PAICS: variants seen among roughly 807,000 people sequenced by gnomAD.
PAICS encodes phosphoribosylaminoimidazole carboxylase and phosphoribosylaminoimidazolesuccinocarboxamide synthase.
Under a neutral mutation model 53.7 loss-of-function variants are expected in PAICS, and 33 were observed. That is an observed-to-expected ratio of 0.61 (90% CI 0.47 to 0.82). The LOEUF (loss-of-function observed/expected upper bound fraction) is 0.82, where lower values mean the gene tolerates loss of function less well. Among genes scored for constraint, PAICS ranks in the 40% least tolerant of loss-of-function variants. The pLI is 0.00. For synonymous variants in PAICS, 141 were observed against 167.2 expected (o/e 0.84, Z 1.21); for missense variants, 394 against 494.1 (o/e 0.80, Z 1.92).
At chr4:56,446,653 A>G in intron 2 of PAICS, 42 bp from the exon 3 acceptor site, 1 of 1,261,456 alleles carries the variant, frequency 7.9e-7, no homozygotes, top group Middle Eastern at 1.9e-4. Context: ...CTTTTTACAT[A>G]TCATTTCAAT....
upstream of PAICS, chr4:56,435,335 C>G (rs767037962): frequency 2.5e-6 from 4 of 1,613,564 alleles, no homozygotes; most frequent in Admixed American, 1.7e-5. Context: ...CCGCCACCCC[C>G]ACCCTGTTGC....
intron 5 of PAICS, among the ~76,000 whole-genome samples, chr4:56,449,401 G>A (rs576432979): frequency 1.1e-4 from 16 of 152,250 alleles, no homozygotes; most frequent in Admixed American, 8.5e-4. Flanking sequence ...AAATAGGAAC[G>A]CTTTTACACT....
chr4:56,449,212 A>T (rs996171910), intron 5 of PAICS, among the ~76,000 whole-genome samples: 1 of 152,192 alleles, frequency 6.6e-6, no homozygotes, highest in Admixed American at 6.5e-5. Flanking sequence ...TCCTATATAA[A>T]ACAACAGACA....
Position 56,459,465 on chromosome 4 carries a change from T to C in PAICS, c.1205T>C (p.Leu402Pro), listed in dbSNP as rs1347343801. 2 of 1,606,112 alleles carry C rather than the reference T, an allele frequency of 1.2e-6. No individual in the cohort carries two copies. Among genetic ancestry groups the C allele is most frequent in the African/African-American group, 1.3e-5 (1 of 74,852 alleles). ...AGCAACCATTTGGTATGGAGCAAAC[T>C]GCGAGCAAGCATTTTGAACACATGG... is the stretch of plus-strand genomic sequence containing the variant. ...GLSNHLVWSK[L>P]RASILNTWIS... Residue 402 changes from leucine (L) to proline (P), a missense_variant, in exon 9 of 9, where the codon CTG becomes CCG. Transcript: ENST00000512576.
At chr4:56,415,503 A>G in the PAICS span, among the ~76,000 whole-genome samples, 3 of 152,234 alleles carry the variant, frequency 2.0e-5, no homozygotes, top group Admixed American at 6.5e-5. Flanking sequence ...AAATCAAAGG[A>G]GGAATTCAAT....
the PAICS span, among the ~76,000 whole-genome samples, chr4:56,429,665 G>T: frequency 6.6e-6 from 1 of 152,112 alleles, no homozygotes; most frequent in South Asian, 2.1e-4. Flanking sequence ...TAATTTATGA[G>T]ATTGTTTTTT....
At chr4:56,421,593 A>G in the PAICS span, 1 of 152,336 alleles carries the variant, frequency 6.6e-6, no homozygotes, top group African/African-American at 2.4e-5. Context: ...GGCTTAAATG[A>G]TGAGTCCCAA....
intron 1 of PAICS, among the ~76,000 whole-genome samples, chr4:56,440,496 T>TC (rs1718282954): frequency 6.6e-6 from 1 of 152,056 alleles, no homozygotes; most frequent in Admixed American, 6.5e-5. Context: ...CCCCACCCCT[T>TC]CCCCTGCCCA....
the PAICS span, chr4:56,419,874 T>C: frequency 5.1e-6 from 5 of 984,154 alleles, no homozygotes; most frequent in Non-Finnish European, 6.0e-6. Flanking sequence ...AAAACACGAA[T>C]ACAAGATCGT....
the PAICS span, among the ~76,000 whole-genome samples, chr4:56,429,698 G>A: frequency 2.1e-3 from 321 of 152,204 alleles, no homozygotes; most frequent in African/African-American, 7.5e-3. Flanking sequence ...AAATTGAAGA[G>A]TAAAACAAAA....
At chr4:56,436,039 C>T, upstream of PAICS, 1 of 1,518,372 alleles carries the variant, frequency 6.6e-7, no homozygotes, top group South Asian at 1.2e-5. Context: ...CCTGTCCGGG[C>T]ACTGCGCCAG....
chr4:56,446,711 C>T lies in PAICS; in HGVS notation c.231C>T (p.Phe77=). ...LLQEAGIKTA[F]TRKCGETAFI... ...AATATGTAGGTATTAAAACTGCCTT[C>T]ACCAGAAAATGTGGGGAGACAGCTT... Residue 77 remains phenylalanine (F), a synonymous_variant, in exon 3 of 9, where the codon TTC becomes TTT. Transcript: ENST00000512576. 6.3e-7 allele frequency: 1 copy of T among 1,597,634 alleles called. No individual in the cohort carries two copies. Among genetic ancestry groups the T allele is most frequent in the Non-Finnish European group, 8.5e-7 (1 of 1,170,478 alleles).
the PAICS span, chr4:56,422,492 TG>T: frequency 5.5e-4 from 78 of 141,078 alleles, no homozygotes; most frequent in African/African-American, 1.6e-3. Context: ...CGTGTGTGTG[TG>T]TGTGTGTGTG....
At chr4:56,455,663 TC>T (rs771978721) in intron 8 of PAICS, among the ~76,000 whole-genome samples, 2 of 152,200 alleles carry the variant, frequency 1.3e-5, no homozygotes, top group Non-Finnish European at 2.9e-5. Flanking sequence ...AGAAATAGAA[TC>T]CTATGCTGAA....
intron 2 of PAICS, chr4:56,446,350 A>C (rs905030014): frequency 2.8e-6 from 2 of 717,608 alleles, no homozygotes; most frequent in African/African-American, 3.5e-5. Context: ...GAATTTGCCT[A>C]TTCTAGTTAC....
Position 56,444,766 on chromosome 4 carries a change from C to T in PAICS, c.215-1929C>T, listed in dbSNP as rs571593143. Among the ~76,000 whole-genome samples, 13 of 152,216 alleles carry T rather than the reference C, an allele frequency of 8.5e-5. No homozygotes were observed. In the South Asian group the frequency reaches 2.5e-3, roughly 29 times the overall value. Reference sequence around the variant, plus strand: ...TGTGCAGAGATGATTACTGTAGCTTCATTATGTGCTTTTGGTTCTCCTTGG... The same window carrying T: ...TGTGCAGAGATGATTACTGTAGCTTTATTATGTGCTTTTGGTTCTCCTTGG... On this transcript the variant is annotated intron_variant, in intron 2 of 8. Transcript: ENST00000512576.
chr4:56,460,690 G>C lies in PAICS; in HGVS notation c.*1152G>C. 1 of 152,222 alleles carries C rather than the reference G, an allele frequency of 6.6e-6. No individual in the cohort carries two copies. 9.4% of individuals were successfully genotyped at this position (152,222 alleles called of 1,614,324 possible). A position where few individuals can be genotyped will look rare whatever the true frequency, so the allele number is the denominator to read the frequency against. On this transcript the variant is annotated 3_prime_UTR_variant, in exon 9 of 9. Transcript: ENST00000512576. ...TTATAGATTAAGAATTGATGAGGTA[G>C]CTGGGCACAGTGGCTCACACCTACG...
chr4:56,457,665 T>TG (rs1199830982), intron 8 of PAICS, among the ~76,000 whole-genome samples: 9 of 147,454 alleles, frequency 6.1e-5, no homozygotes, highest in African/African-American at 2.3e-4. Flanking sequence ...GAATTAAGTT[T>TG]TTTTTTTTTT....
At chr4:56,434,783 C>G (rs1717805690), upstream of PAICS, among the ~76,000 whole-genome samples, 1 of 152,232 alleles carries the variant, frequency 6.6e-6, no homozygotes, top group African/African-American at 2.4e-5. Context: ...TCAACATCAA[C>G]TAGTCATCTT....
Sources: gnomAD v4.1 joint callset for allele counts (sites outside exome capture counted in the v4.1 genomes callset) on GRCh38, gnomAD v4.1.1 for gene constraint, MANE v1.5 for transcripts, NCBI Gene and HGNC (gene_info 2026-07-23, HGNC 2026-07-21) for gene names.